Variants in IPCEF1 observed in about 807,000 individuals in gnomAD.
IPCEF1 encodes interactor protein for cytohesin exchange factors 1.
Under a neutral mutation model 50.9 loss-of-function variants are expected in IPCEF1, and 31 were observed. The ratio of observed to expected loss-of-function variants is 0.61; its 90% confidence interval spans 0.46 to 0.82. The LOEUF is 0.82. Ranked by LOEUF, IPCEF1 falls within the 40% of genes least tolerant of loss-of-function variation. IPCEF1 has a pLI of 0.00. For synonymous variants in IPCEF1, 181 were observed against 192.0 expected (o/e 0.94, Z 0.47); for missense variants, 458 against 514.0 (o/e 0.89, Z 1.05).
intron 1 of IPCEF1, among the ~76,000 whole-genome samples, chr6:154,294,939 C>T (rs905076160): frequency 6.6e-6 from 1 of 152,116 alleles, no homozygotes; most frequent in African/African-American, 2.4e-5. Flanking sequence ...TAACTCATGC[C>T]TGTAATCCCA....
At chr6:154,214,618 G>T (rs1393595585) in intron 7 of IPCEF1, among the ~76,000 whole-genome samples, 5 of 152,180 alleles carry the variant, frequency 3.3e-5, no homozygotes, top group Non-Finnish European at 7.4e-5. Context: ...ACTGGATTTA[G>T]TAACTTGGCT....
intron 1 of IPCEF1, among the ~76,000 whole-genome samples, chr6:154,295,863 ACACG>A (rs1202610082): frequency 3.3e-5 from 3 of 89,830 alleles, no homozygotes; most frequent in Non-Finnish European, 3.8e-5. Context: ...ACACATGTGC[ACACG>A]CACACACACA....
At chr6:154,325,771 C>T (rs780830814) in intron 1 of IPCEF1, among the ~76,000 whole-genome samples, 27 of 152,040 alleles carry the variant, frequency 1.8e-4, no homozygotes, top group African/African-American at 3.6e-4. Flanking sequence ...TGCTTTTTGA[C>T]GGTGAATATA....
rs781543330 is a variant in IPCEF1 at position 154,246,800 on chromosome 6, TG to T, written c.77-41del. On this transcript the variant is annotated intron_variant, in intron 4 of 11. Transcript: ENST00000367220. ...TGAAGAGGTAGATAATGTATTACCCTGATTTGGTAGGTAAAGTATTATCCTG... is the reference window on the plus strand; with the variant it reads ...TGAAGAGGTAGATAATGTATTACCCTATTTGGTAGGTAAAGTATTATCCTG... 2.5e-6 allele frequency: 4 copies of T among 1,592,580 alleles called. No individual in the cohort carries two copies. The East Asian group carries it at 9.0e-5, about 36-fold the overall frequency.
intron 9 of IPCEF1, among the ~76,000 whole-genome samples, chr6:154,200,241 A>G (rs1776952979): frequency 6.6e-6 from 1 of 152,214 alleles, no homozygotes; most frequent in Non-Finnish European, 1.5e-5. Flanking sequence ...GATTTATGTA[A>G]CTTTAAATTC....
chr6:154,307,403 C>T (rs1782963218), intron 1 of IPCEF1, among the ~76,000 whole-genome samples: 1 of 152,236 alleles, frequency 6.6e-6, no homozygotes, highest in East Asian at 1.9e-4. Context: ...GAGGCTTCCC[C>T]AGCCACATGC....
chr6:154,265,209 C>T (rs186564455), intron 3 of IPCEF1, among the ~76,000 whole-genome samples: 1 of 152,232 alleles, frequency 6.6e-6, no homozygotes, highest in Admixed American at 6.5e-5. Context: ...GCTCAATTCA[C>T]TTACCTATCT....
rs568109030 is a variant in IPCEF1, at chr6:154,258,733, C to G, written c.36+7179G>C. Among the ~76,000 whole-genome samples the G allele has an allele frequency of 2.0e-5, 3 of 152,296 alleles. No individual in the cohort carries two copies. The South Asian group carries it at 6.2e-4, about 32-fold the overall frequency. The stretch of plus-strand genomic sequence containing the variant: ...TGACCAACCATCTCATTCCTGGACT[C>G]CCCGTCTACAGTCTAGATCCTCAAA... On this transcript the variant is annotated intron_variant, in intron 3 of 11. Transcript: ENST00000367220.
At chr6:154,211,314 C>G (rs142122881) in intron 9 of IPCEF1, among the ~76,000 whole-genome samples, 1 of 151,454 alleles carries the variant, frequency 6.6e-6, no homozygotes, top group East Asian at 1.9e-4. Flanking sequence ...GAGGCTGAGG[C>G]AGGAGAATGG....
intron 3 of IPCEF1, among the ~76,000 whole-genome samples, chr6:154,258,789 A>T (rs532689525): frequency 1.3e-5 from 2 of 152,058 alleles, no homozygotes; most frequent in Non-Finnish European, 2.9e-5. Context: ...AACAACTACA[A>T]CTCTGCTTAA....
rs1272699929 is a variant in IPCEF1, at chr6:154,300,181, C to CTAAA, written c.-61-10429_-61-10426dup. Among the ~76,000 whole-genome samples, 3 of 141,824 alleles carry CTAAA rather than the reference C, an allele frequency of 2.1e-5. 1 individual carries two copies. The highest frequency in any genetic ancestry group is 1.6e-5 in the Non-Finnish European group (1 of 63,146). 93.0% of individuals were successfully genotyped at this position (141,824 alleles called of 152,430 possible). On this transcript the variant is annotated intron_variant, in intron 1 of 11. Transcript: ENST00000367220. ...AGGCAGACCTCTTTGTGGGTAAAGTCTAAAGCAGATGCAATTTTAGGTTAA... is the reference window on the plus strand; with the variant it reads ...AGGCAGACCTCTTTGTGGGTAAAGTCTAAATAAAGCAGATGCAATTTTAGGTTAA...
At chr6:154,327,013 T>C (rs548133708) in intron 1 of IPCEF1, among the ~76,000 whole-genome samples, 8 of 152,338 alleles carry the variant, frequency 5.3e-5, no homozygotes, top group Non-Finnish European at 1.0e-4. Flanking sequence ...GCTAGCCATA[T>C]GCAGAAGACT....
At chr6:154,263,418 G>T (rs1202799035) in intron 3 of IPCEF1, among the ~76,000 whole-genome samples, 8 of 136,300 alleles carry the variant, frequency 5.9e-5, no homozygotes, top group Admixed American at 1.5e-4. Context: ...GTGTCCCTGG[G>T]TACTTGAGAT....
rs1798658950 is a variant in IPCEF1 at position 154,155,092 on chromosome 6, A to G, written c.*4736T>C. 1 of 152,196 alleles carries G rather than the reference A, an allele frequency of 6.6e-6. No individual in the cohort carries two copies. The allele number at this position is 152,196 out of a possible 1,614,324, so 9.4% of individuals were successfully genotyped here. A position where few individuals can be genotyped will look rare whatever the true frequency, so the allele number is the denominator to read the frequency against. ...ATGTGGTTCTGGGGTCATGTGGGAA[A>G]GAACTGAGATGTGCTGAAGAGGCAA... On this transcript the variant is annotated 3_prime_UTR_variant, in exon 12 of 12. Coordinates refer to ENST00000367220, the MANE Select transcript of IPCEF1 (RefSeq NM_001130700.2).
At chr6:154,217,578 A>C (rs527492988) in intron 7 of IPCEF1, 1 of 152,330 alleles carries the variant, frequency 6.6e-6, no homozygotes, top group African/African-American at 2.4e-5. Flanking sequence ...TTGAATTAGA[A>C]AGTGAGGTGA....
chr6:154,165,308 C>A (rs1206630020), intron 11 of IPCEF1, among the ~76,000 whole-genome samples: 1 of 152,200 alleles, frequency 6.6e-6, no homozygotes, highest in Non-Finnish European at 1.5e-5. Flanking sequence ...ATCCTCTCCT[C>A]TTCCTCAAAG....
chr6:154,281,108 G>A (rs1782195635), intron 2 of IPCEF1, among the ~76,000 whole-genome samples: 1 of 151,180 alleles, frequency 6.6e-6, no homozygotes, highest in Admixed American at 6.6e-5. Flanking sequence ...GGGAGGCCGA[G>A]GTGGGTGGAT....
chr6:154,254,915 T>C (rs2128647850), intron 3 of IPCEF1, among the ~76,000 whole-genome samples: 1 of 152,336 alleles, frequency 6.6e-6, no homozygotes, highest in South Asian at 2.1e-4. Flanking sequence ...TTCCCTTTTT[T>C]CTTTCTCACA....
intron 5 of IPCEF1, among the ~76,000 whole-genome samples, chr6:154,230,855 T>C (rs1035438049): frequency 4.6e-5 from 7 of 152,120 alleles, no homozygotes; most frequent in Admixed American, 6.5e-5. Context: ...AGGTCTTAAA[T>C]AGAATCTTGA....
Sources: gnomAD v4.1 joint callset for allele counts (sites outside exome capture counted in the v4.1 genomes callset) on GRCh38, gnomAD v4.1.1 for gene constraint, MANE v1.5 for transcripts, NCBI Gene and HGNC (gene_info 2026-07-23, HGNC 2026-07-21) for gene names.